Variants in KIAA0319L observed in about 807,000 individuals in gnomAD.
KIAA0319L encodes the protein KIAA0319 like.
A neutral mutation model predicts 120.1 loss-of-function variants in KIAA0319L; 55 were observed. That is an observed-to-expected ratio of 0.46 (90% confidence interval 0.37 to 0.57). The LOEUF is 0.57. Among genes scored for constraint, KIAA0319L ranks in the 20% least tolerant of loss-of-function variants. KIAA0319L has a pLI of 0.00. For synonymous variants in KIAA0319L, 398 were observed against 471.9 expected (o/e 0.84, Z 2.03); for missense variants, 1,049 against 1,255.3 (o/e 0.84, Z 2.48).
At chr1:35,447,054 G>A (rs1218199104) in intron 16 of KIAA0319L, among the ~76,000 whole-genome samples, 2 of 151,930 alleles carry the variant, frequency 1.3e-5, no homozygotes, top group Non-Finnish European at 2.9e-5. Flanking sequence ...ACCTTCATTC[G>A]TAAAGGGCCA....
At chr1:35,474,272 A>G (rs1394169318) in intron 5 of KIAA0319L, among the ~76,000 whole-genome samples, 1 of 152,178 alleles carries the variant, frequency 6.6e-6, no homozygotes, top group Non-Finnish European at 1.5e-5. Context: ...TGAGCCACTC[A>G]TTATCTGTGT....
chr1:35,435,317 G>A (rs183860037), intron 20 of KIAA0319L: 2 of 457,442 alleles, frequency 4.4e-6, no homozygotes, highest in Non-Finnish European at 7.7e-6. Context: ...GGGGTCTCCT[G>A]CTGGTTCTTC....
At chr1:35,544,734 C>T (rs2148501159) in intron 2 of KIAA0319L, among the ~76,000 whole-genome samples, 1 of 152,256 alleles carries the variant, frequency 6.6e-6, no homozygotes, top group African/African-American at 2.4e-5. Context: ...ACATAAACAA[C>T]TAATTAAAGT....
intron 2 of KIAA0319L, among the ~76,000 whole-genome samples, chr1:35,536,765 C>T (rs1646587829): frequency 6.6e-6 from 1 of 152,060 alleles, no homozygotes; most frequent in Non-Finnish European, 1.5e-5. Context: ...ACTGGTGTAG[C>T]TGAAAATAGC....
At chr1:35,443,673 A>AAAATAAATAAATAAAT (rs750954696) in intron 17 of KIAA0319L, among the ~76,000 whole-genome samples, 18 of 151,022 alleles carry the variant, frequency 1.2e-4, no homozygotes, top group African/African-American at 4.2e-4. Context: ...ACTCTATCTC[A>AAAATAAATAAATAAAT]AAATAAATAA....
At chr1:35,519,048 T>C (rs1231525776) in intron 2 of KIAA0319L, among the ~76,000 whole-genome samples, 2 of 151,896 alleles carry the variant, frequency 1.3e-5, no homozygotes, top group African/African-American at 4.8e-5. Flanking sequence ...CAGAGGATGA[T>C]GAGTTATGGG....
intron 3 of KIAA0319L, among the ~76,000 whole-genome samples, chr1:35,480,867 A>AAT (rs1644136400): frequency 6.6e-6 from 1 of 152,180 alleles, no homozygotes; most frequent in Non-Finnish European, 1.5e-5. Context: ...AGTTTTGATA[A>AAT]ATATATATAC....
At chr1:35,474,168 G>C (rs764370817) in intron 5 of KIAA0319L, among the ~76,000 whole-genome samples, 1 of 152,128 alleles carries the variant, frequency 6.6e-6, no homozygotes, top group South Asian at 2.1e-4. Flanking sequence ...TATAACCCGG[G>C]TATGCACAAA....
At chr1:35,489,315 A>G (rs1644505076) in intron 3 of KIAA0319L, among the ~76,000 whole-genome samples, 1 of 152,202 alleles carries the variant, frequency 6.6e-6, no homozygotes, top group Admixed American at 6.5e-5. Context: ...AACCAGACCA[A>G]ATATATTAAA....
At chr1:35,554,135 T>C (rs1330446127) in intron 2 of KIAA0319L, among the ~76,000 whole-genome samples, 1 of 152,086 alleles carries the variant, frequency 6.6e-6, no homozygotes, top group Non-Finnish European at 1.5e-5. Flanking sequence ...TTGTGCCAAT[T>C]CTCCCTTATG....
At chr1:35,494,862 G>GCAAACAGATAAATGGGAC (rs368678805) in intron 3 of KIAA0319L, among the ~76,000 whole-genome samples, 25 of 150,072 alleles carry the variant, frequency 1.7e-4, no homozygotes, top group African/African-American at 5.6e-4. Flanking sequence ...GTCAATATAG[G>GCAAACAGATAAATGGGAC]CAAACAGATA....
intron 3 of KIAA0319L, among the ~76,000 whole-genome samples, chr1:35,481,259 C>T (rs570159283): frequency 1.3e-5 from 2 of 152,242 alleles, no homozygotes; most frequent in East Asian, 3.9e-4. Context: ...TTTAAGTATA[C>T]ATGTTTCTGT....
chr1:35,503,130 C>T (rs1392795472), intron 3 of KIAA0319L, among the ~76,000 whole-genome samples: 1 of 152,152 alleles, frequency 6.6e-6, no homozygotes, highest in South Asian at 2.1e-4. Flanking sequence ...TACCCACTCC[C>T]CCCAATCCCA....
At chr1:35,479,384 A>T (rs1644048697) in intron 3 of KIAA0319L, among the ~76,000 whole-genome samples, 172 bp from the exon 4 acceptor site, 1 of 152,192 alleles carries the variant, frequency 6.6e-6, no homozygotes, top group Admixed American at 6.5e-5. Context: ...TGTTGAGATA[A>T]ATCTTGAGTT....
intron 2 of KIAA0319L, among the ~76,000 whole-genome samples, chr1:35,551,976 G>A (rs904519376): frequency 6.6e-6 from 1 of 151,926 alleles, no homozygotes; most frequent in Non-Finnish European, 1.5e-5. Flanking sequence ...GAAAGACTTG[G>A]AATTGCTTCT....
intron 3 of KIAA0319L, among the ~76,000 whole-genome samples, chr1:35,496,778 T>C (rs1439104028): frequency 6.6e-6 from 1 of 151,986 alleles, no homozygotes; most frequent in African/African-American, 2.4e-5. Context: ...AACCCGTCTC[T>C]ACTTTAAAAA....
At chr1:35,444,446 G>C in intron 16 of KIAA0319L, 143 bp from the exon 17 acceptor site, 1 of 759,514 alleles carries the variant, frequency 1.3e-6, no homozygotes, top group Non-Finnish European at 1.9e-6. Context: ...AGTGAGAAAG[G>C]TGTTATCAGG....
intron 5 of KIAA0319L, among the ~76,000 whole-genome samples, chr1:35,473,871 C>G (rs1643789278): frequency 6.6e-6 from 1 of 152,208 alleles, no homozygotes. Flanking sequence ...ATAAACCCAA[C>G]TGGCTCAATT....
At chr1:35,511,318 G>A (rs1393544278) in intron 2 of KIAA0319L, 1 of 152,304 alleles carries the variant, frequency 6.6e-6, no homozygotes, top group East Asian at 1.9e-4. Flanking sequence ...ATGTGGGAAA[G>A]CCTTCGGGTA....
Sources: gnomAD v4.1 joint callset for allele counts (sites outside exome capture counted in the v4.1 genomes callset) on GRCh38, gnomAD v4.1.1 for gene constraint, MANE v1.5 for transcripts, NCBI Gene and HGNC (gene_info 2026-07-23, HGNC 2026-07-21) for gene names.